Variants in PLPPR4 observed in about 807,000 individuals in gnomAD.
PLPPR4 encodes the protein phospholipid phosphatase-related protein type 4.
PLPPR4 carries 24 observed loss-of-function variants against 56.6 expected under a neutral mutation model. That is an observed-to-expected ratio of 0.42 (90% confidence interval 0.31 to 0.60). The LOEUF (loss-of-function observed/expected upper bound fraction) is 0.60. Ranked by LOEUF, PLPPR4 falls within the 20% of genes least tolerant of loss-of-function variation. The pLI, the probability that PLPPR4 is intolerant of heterozygous loss-of-function variation, is 0.13. For synonymous variants in PLPPR4, 326 were observed against 328.1 expected, an observed-to-expected ratio of 0.99 and a Z score of 0.07; for missense variants, 654 against 885.8, an observed-to-expected ratio of 0.74 and a Z score of 3.32.
intron 3 of PLPPR4, 106 bp downstream of exon 3, chr1:99,296,973 A>G: frequency 6.2e-6 from 7 of 1,135,328 alleles, no homozygotes; most frequent in Non-Finnish European, 8.1e-6. Flanking sequence ...TAGATGTATA[A>G]TTTCAGTACA....
intron 6 of PLPPR4, among the ~76,000 whole-genome samples, 174 bp downstream of exon 6, chr1:99,302,071 G>C (rs1659894607): frequency 6.6e-6 from 1 of 151,892 alleles, no homozygotes; most frequent in Non-Finnish European, 1.5e-5. Flanking sequence ...ATCATTTATT[G>C]AACTCTTACT....
intron 6 of PLPPR4, among the ~76,000 whole-genome samples, chr1:99,304,818 A>AT (rs997117300): frequency 3.9e-5 from 6 of 152,078 alleles, no homozygotes; most frequent in African/African-American, 9.7e-5. Flanking sequence ...CTGCTGCTTG[A>AT]TTTTTTATCT....
intron 1 of PLPPR4, among the ~76,000 whole-genome samples, chr1:99,283,151 A>G (rs1659372323): frequency 6.6e-6 from 1 of 152,092 alleles, no homozygotes; most frequent in Non-Finnish European, 1.5e-5. Context: ...TTGAATGAAT[A>G]AATGGATGAG....
chr1:99,300,200 C>T (rs114195712), intron 4 of PLPPR4, among the ~76,000 whole-genome samples: 84 of 152,050 alleles, frequency 5.5e-4, no homozygotes, highest in African/African-American at 2.0e-3. Context: ...TAGGAAGGCA[C>T]TAATTTAAGT....
chr1:99,264,755 G>C, intron 1 of PLPPR4, 84 bp downstream of exon 1: 1 of 1,454,514 alleles, frequency 6.9e-7, no homozygotes, highest in African/African-American at 1.4e-5. Context: ...TGTTGGAGGC[G>C]CAGAGATCCT....
chr1:99,296,891 A>G (rs769635326), intron 3 of PLPPR4, 24 bp downstream of exon 3: 4 of 1,511,916 alleles, frequency 2.6e-6, no homozygotes, highest in Non-Finnish European at 3.6e-6. Context: ...ACCACAAAGA[A>G]AAGAAATGCT....
chr1:99,264,215 G>A (rs1184622568), upstream of PLPPR4: 1 of 534,052 alleles, frequency 1.9e-6, no homozygotes, highest in African/African-American at 2.0e-5. Flanking sequence ...CTCCTTTTCG[G>A]ATTCTTGACG....
At chr1:99,304,620 G>A (rs1458241235) in intron 6 of PLPPR4, among the ~76,000 whole-genome samples, 1 of 152,178 alleles carries the variant, frequency 6.6e-6, no homozygotes, top group African/African-American at 2.4e-5. Flanking sequence ...TACTTGAAGA[G>A]GCAGGAGCTT....
At chr1:99,294,716 C>G (rs1048807701) in intron 2 of PLPPR4, among the ~76,000 whole-genome samples, 3 of 151,110 alleles carry the variant, frequency 2.0e-5, no homozygotes, top group Non-Finnish European at 3.0e-5. Context: ...AAAAAAAACT[C>G]CTGAAATCTC....
chr1:99,299,138 C>T lies in PLPPR4; in HGVS notation c.498C>T (p.Asn166=), dbSNP rs374059366. 6.2e-7 allele frequency: 1 copy of T among 1,613,144 alleles called. No homozygotes were observed. ...ACTTTCTGACTGTGTGCAAACCAAA[C>T]TATACCTCTCTGAATGTATCTTGCA... ...APYFLTVCKP[N]YTSLNVSCKE... The change falls in exon 4 of 7, where the codon AAC becomes AAT. Residue 166 remains asparagine, a synonymous_variant. Transcript: ENST00000370185.
Position 99,307,237 on chromosome 1 carries a change from C to T in PLPPR4, c.*227C>T, listed in dbSNP as rs1181932663. ...CTAACGTGATGATATGAAGAGTTTT[C>T]TTAAGACCTGTCGTCAAACTTAAAA... is the stretch of plus-strand genomic sequence containing the variant. On this transcript the variant is annotated 3_prime_UTR_variant, in exon 7 of 7. Coordinates refer to ENST00000370185, the MANE Select transcript of PLPPR4 (RefSeq NM_014839.5). 4.0e-6 allele frequency: 2 copies of T among 498,582 alleles called. No homozygotes were observed. The highest frequency in any genetic ancestry group is 7.5e-5 in the Admixed American group (2 of 26,580). 30.9% of individuals were successfully genotyped at this position (498,582 alleles called of 1,614,324 possible).
At chr1:99,287,056 A>G (rs1442407896) in intron 1 of PLPPR4, among the ~76,000 whole-genome samples, 2 of 152,004 alleles carry the variant, frequency 1.3e-5, no homozygotes, top group African/African-American at 4.8e-5. Context: ...AACCCCCAAC[A>G]TGCCCTGGTG....
intron 2 of PLPPR4, among the ~76,000 whole-genome samples, chr1:99,294,780 C>A (rs1047783614): frequency 6.6e-6 from 1 of 151,710 alleles, no homozygotes; most frequent in Non-Finnish European, 1.5e-5. Context: ...ACAAAACACA[C>A]TTTTCTATAC....
intron 1 of PLPPR4, among the ~76,000 whole-genome samples, chr1:99,268,067 A>G (rs1396814342): frequency 6.6e-6 from 1 of 152,234 alleles, no homozygotes; most frequent in Non-Finnish European, 1.5e-5. Flanking sequence ...ATTAACTCAA[A>G]GGTCACGCTC....
intron 6 of PLPPR4, among the ~76,000 whole-genome samples, chr1:99,305,101 G>A (rs1035706735): frequency 3.3e-5 from 5 of 152,104 alleles, no homozygotes; most frequent in Admixed American, 6.5e-5. Flanking sequence ...CCAATCTGGC[G>A]ATGGTTTTTG....
intron 2 of PLPPR4, among the ~76,000 whole-genome samples, chr1:99,289,245 A>G (rs1324367974): frequency 3.3e-5 from 5 of 152,176 alleles, no homozygotes; most frequent in African/African-American, 1.2e-4. Context: ...TCCACATTCT[A>G]ATGAATTCGC....
chr1:99,296,544 G>T (rs898827541), intron 2 of PLPPR4, among the ~76,000 whole-genome samples, 194 bp from the exon 3 acceptor site: 1 of 152,126 alleles, frequency 6.6e-6, no homozygotes, highest in Non-Finnish European at 1.5e-5. Flanking sequence ...TCATTAGAGT[G>T]GCCTGATTAC....
chr1:99,283,925 T>C (rs1340855929), intron 1 of PLPPR4, among the ~76,000 whole-genome samples: 1 of 152,060 alleles, frequency 6.6e-6, no homozygotes, highest in Non-Finnish European at 1.5e-5. Context: ...GCACTCCAGC[T>C]TGGGCGACAG....
chr1:99,286,857 G>C (rs1659475194), intron 1 of PLPPR4, among the ~76,000 whole-genome samples: 1 of 152,210 alleles, frequency 6.6e-6, no homozygotes, highest in Non-Finnish European at 1.5e-5. Flanking sequence ...TATTCAAGTT[G>C]AGTGGGAACC....
Sources: gnomAD v4.1 joint callset for allele counts (sites outside exome capture counted in the v4.1 genomes callset) on GRCh38, gnomAD v4.1.1 for gene constraint, MANE v1.5 for transcripts, NCBI Gene and HGNC (gene_info 2026-07-23, HGNC 2026-07-21) for gene names.